Variants in RIPOR2 observed in about 807,000 individuals in gnomAD.
RIPOR2 encodes RHO family interacting cell polarization regulator 2, also known as rho family-interacting cell polarization regulator 2.
A neutral mutation model predicts 114.5 loss-of-function variants in RIPOR2; 39 were observed. The ratio of observed to expected loss-of-function variants is 0.34; its 90% CI spans 0.26 to 0.44. The LOEUF (loss-of-function observed/expected upper bound fraction) is 0.44, where lower values mean the gene tolerates loss of function less well. RIPOR2 is among the 20% of genes least tolerant of loss of function. The probability of loss-of-function intolerance (pLI) is 1.00; values close to 1 mark genes in which losing one functional copy is unlikely to be tolerated. For missense variants in RIPOR2, 1,007 were observed against 1,255.1 expected (o/e 0.80, Z 2.99); for synonymous variants, 445 against 484.4 (o/e 0.92, Z 1.07).
intron 1 of RIPOR2, among the ~76,000 whole-genome samples, chr6:24,924,343 C>A (rs1205734006): frequency 6.6e-6 from 1 of 152,144 alleles, no homozygotes; most frequent in Non-Finnish European, 1.5e-5. Flanking sequence ...CTAAGGGCTT[C>A]AGATCTTGTG....
Position 24,842,894 on chromosome 6 carries a change from G to C in RIPOR2, c.1825C>G (p.Gln609Glu), listed in dbSNP as rs184778120. Residue 609 changes from glutamine to glutamate, a missense_variant, in exon 13 of 22, where the codon CAA (glutamine) becomes GAA (glutamate). Coordinates refer to ENST00000643898, the MANE Select transcript of RIPOR2 (RefSeq NM_001286445.3). ...ATATCATCCAAATTCATGACTTCTTGGTTCAGATCCTGAAACTCTTTATAC... is the reference window on the plus strand; with the variant it reads ...ATATCATCCAAATTCATGACTTCTTCGTTCAGATCCTGAAACTCTTTATAC... The part of the protein sequence containing the change: ...EQYKEFQDLN[Q>E]EVMNLDDILK... 11 of 1,457,022 alleles carry C rather than the reference G, an allele frequency of 7.5e-6. No homozygotes were observed. In the African/African-American group the frequency reaches 1.4e-4, roughly 19 times the overall value. The allele number at this position is 1,457,022 out of a possible 1,614,324, so 90.3% of individuals were successfully genotyped here. A position where few individuals can be genotyped will look rare whatever the true frequency, so the allele number is the denominator to read the frequency against.
chr6:24,837,786 A>G (rs1343524590), intron 14 of RIPOR2, among the ~76,000 whole-genome samples: 2 of 152,092 alleles, frequency 1.3e-5, no homozygotes, highest in African/African-American at 4.8e-5. Flanking sequence ...TATGGGGTAA[A>G]TTCAAGTTCT....
At chr6:24,856,393 C>T (rs997329118) in intron 8 of RIPOR2, among the ~76,000 whole-genome samples, 1 of 152,118 alleles carries the variant, frequency 6.6e-6, no homozygotes, top group Non-Finnish European at 1.5e-5. Context: ...AAAGTATAAT[C>T]GACTTGTTTT....
intron 1 of RIPOR2, among the ~76,000 whole-genome samples, chr6:24,994,775 T>G (rs6456643): frequency 2.6e-5 from 4 of 152,108 alleles, no homozygotes; most frequent in African/African-American, 4.8e-5. Flanking sequence ...CATACCAGAA[T>G]CATACTCCAA....
At chr6:24,842,195 C>T (rs764735051) in intron 13 of RIPOR2, among the ~76,000 whole-genome samples, 25 of 152,116 alleles carry the variant, frequency 1.6e-4, no homozygotes, top group Non-Finnish European at 2.8e-4. Context: ...GAGACAGATA[C>T]ATTCTGATGC....
At chr6:24,817,926 C>T (rs1358116157) in intron 20 of RIPOR2, among the ~76,000 whole-genome samples, 5 of 150,696 alleles carry the variant, frequency 3.3e-5, no homozygotes, top group Non-Finnish European at 7.4e-5. Flanking sequence ...AATCACCATA[C>T]ATCTCATCTC....
At chr6:24,943,398 G>A (rs546260799) in intron 1 of RIPOR2, among the ~76,000 whole-genome samples, 1 of 152,182 alleles carries the variant, frequency 6.6e-6, no homozygotes, top group Non-Finnish European at 1.5e-5. Context: ...GTTAAATGAC[G>A]AGTTATTGGG....
In RIPOR2 at chr6:24,953,212, A is replaced by T. The variant is rs183254411; in HGVS notation, c.77-77395T>A. Among the ~76,000 whole-genome samples the T allele has an allele frequency of 3.3e-5, 5 of 152,292 alleles. No homozygotes were observed. The East Asian group carries it at 9.6e-4, about 29-fold the overall frequency. ...GCCAGGCATGGTGGTGCATGCCTGTAATCCCAGCTACTTGGGAGGCTGAGA... is the reference window on the plus strand; with the variant it reads ...GCCAGGCATGGTGGTGCATGCCTGTTATCCCAGCTACTTGGGAGGCTGAGA... On this transcript the variant is annotated intron_variant, in intron 1 of 13. Coordinates refer to the RIPOR2 transcript ENST00000510784.
At chr6:24,828,870 C>G (rs2113675604) in intron 17 of RIPOR2, among the ~76,000 whole-genome samples, 1 of 152,200 alleles carries the variant, frequency 6.6e-6, no homozygotes, top group East Asian at 1.9e-4. Context: ...TGACTTCTAT[C>G]AACATAAATT....
intron 20 of RIPOR2, among the ~76,000 whole-genome samples, chr6:24,810,318 T>G (rs1781060932): frequency 6.6e-6 from 1 of 152,172 alleles, no homozygotes. Flanking sequence ...ACACTCCTGG[T>G]CTAGAGGAGT....
At chr6:24,932,028 T>G (rs1410684) in intron 1 of RIPOR2, 56,435 of 152,776 alleles carry the variant, frequency 0.37, 10,763 homozygotes, top group Middle Eastern at 0.42. Flanking sequence ...ATCATCATCA[T>G]CAGCAGCAGC....
Position 24,843,315 on chromosome 6 carries a change from G to A in RIPOR2, c.1404C>T (p.Ser468=). The change falls in exon 13 of 22, where the codon TCC becomes TCT. Residue 468 remains serine (S), a synonymous_variant. Coordinates refer to ENST00000643898, the MANE Select transcript of RIPOR2 (RefSeq NM_001286445.3). The part of the protein sequence containing the change: ...DDTSSASSRN[S]LGEGQEPKSH... ...ACTTTGGCTCTTGGCCTTCTCCCAG[G>A]GAGTTCCTGGAAGATGCTGAGCTGG... 6.2e-7 allele frequency: 1 copy of A among 1,613,964 alleles called. No individual in the cohort carries two copies. The highest frequency in any genetic ancestry group is 1.1e-5 in the South Asian group (1 of 91,080).
At chr6:25,024,573 G>A in intron 1 of RIPOR2, 1 of 534,068 alleles carries the variant, frequency 1.9e-6, no homozygotes, top group Admixed American at 2.8e-5. Flanking sequence ...AGCAGTGGCA[G>A]GCGACAGAAC....
At position 24,810,819 on chromosome 6, in the gene RIPOR2, C is replaced by A. The variant is rs1163222526; in HGVS notation, c.2953-1012G>T. 2.0e-5 allele frequency among the ~76,000 whole-genome samples: 3 copies of A among 150,394 alleles called. No homozygotes were observed. In the East Asian group the frequency reaches 5.8e-4, roughly 29 times the overall value. ...TTCCTACAGCTGTTTCTTTTTTTTT[C>A]TTTGAGACAGAGTCTCATTCAGTCA... is the stretch of plus-strand genomic sequence containing the variant. On this transcript the variant is annotated intron_variant, in intron 20 of 21. Transcript: ENST00000643898.
At chr6:24,838,667 G>C (rs1312110797) in intron 14 of RIPOR2, among the ~76,000 whole-genome samples, 1 of 152,152 alleles carries the variant, frequency 6.6e-6, no homozygotes, top group African/African-American at 2.4e-5. Flanking sequence ...GGTGGCGGGT[G>C]CCTGTAGTCC....
At chr6:24,918,077 G>A (rs984694797) in intron 1 of RIPOR2, among the ~76,000 whole-genome samples, 3 of 152,158 alleles carry the variant, frequency 2.0e-5, no homozygotes, top group South Asian at 2.1e-4. Context: ...GTCAGTGGCC[G>A]CCCTGTGATG....
intron 9 of RIPOR2, 111 bp downstream of exon 9, chr6:24,852,464 A>G (rs1763054049): frequency 5.7e-6 from 5 of 870,578 alleles, no homozygotes; most frequent in Admixed American, 2.3e-5. Flanking sequence ...GTTTTTCAAA[A>G]TTAAAAATTA....
At chr6:24,976,515 C>T in intron 1 of RIPOR2, 2 of 1,582,512 alleles carry the variant, frequency 1.3e-6, no homozygotes. Context: ...CAAGAAGTGA[C>T]TGCTCATCTA....
intron 21 of RIPOR2, among the ~76,000 whole-genome samples, chr6:24,808,379 A>G (rs1780915530): frequency 6.6e-6 from 1 of 152,226 alleles, no homozygotes; most frequent in African/African-American, 2.4e-5. Context: ...GTTTAAACTA[A>G]TAATACCTTG....
Sources: allele counts gnomAD v4.1 joint callset (sites outside exome capture counted in the v4.1 genomes callset), GRCh38; gene constraint gnomAD v4.1.1; transcripts MANE v1.5; gene names NCBI Gene and HGNC (gene_info 2026-07-23, HGNC 2026-07-21).